HECW1: variants seen among roughly 807,000 people sequenced by gnomAD.
The protein encoded by HECW1 is HECT, C2 and WW domain containing E3 ubiquitin protein ligase 1.
Under a neutral mutation model 182.3 loss-of-function variants are expected in HECW1, and 61 were observed. The ratio of observed to expected loss-of-function variants is 0.33; its 90% CI spans 0.27 to 0.41. The LOEUF (loss-of-function observed/expected upper bound fraction) is 0.41, where lower values mean the gene tolerates loss of function less well. Ranked by LOEUF, HECW1 falls within the 10% of genes least tolerant of loss-of-function variation. The pLI, the probability that HECW1 is intolerant of heterozygous loss-of-function variation, is 1.00. For synonymous variants in HECW1, 859 were observed against 832.6 expected, an observed-to-expected ratio of 1.03 and a Z score of -0.55; for missense variants, 1,739 against 2,108.9, an observed-to-expected ratio of 0.82 and a Z score of 3.44.
chr7:43,446,665 T>A (rs1425908509), intron 11 of HECW1, among the ~76,000 whole-genome samples: 2 of 151,884 alleles, frequency 1.3e-5, no homozygotes, highest in East Asian at 1.9e-4. Context: ...TTAAAAAAAA[T>A]AATTTTAAGT....
rs554159337 is a variant in HECW1, at chr7:43,550,802, AAACTC to A, written c.4395+217_4395+221del. 1.5e-4 allele frequency among the ~76,000 whole-genome samples: 23 copies of A among 152,334 alleles called. No homozygotes were observed. The South Asian group carries it at 3.3e-3, about 22-fold the overall frequency. ...GGCTGAGGGGTCAGAGTTCTCTGGG[AAACTC>A]AACTCTTATGGGTGAAAAATGCTTT... On this transcript the variant is annotated intron_variant, in intron 27 of 29. Coordinates refer to ENST00000395891, the MANE Select transcript of HECW1 (RefSeq NM_015052.5).
At chr7:43,519,418 G>A (rs1383236535) in intron 24 of HECW1, among the ~76,000 whole-genome samples, 2 of 152,108 alleles carry the variant, frequency 1.3e-5, no homozygotes, top group Non-Finnish European at 2.9e-5. Context: ...GCTAATTTTT[G>A]TATTTTTAGT....
At chr7:43,470,023 T>C (rs1442036917) in intron 16 of HECW1, among the ~76,000 whole-genome samples, 3 of 152,062 alleles carry the variant, frequency 2.0e-5, no homozygotes, top group Non-Finnish European at 4.4e-5. Context: ...GGGGAAAGAA[T>C]GGGGGACTCA....
rs1205051944 is a variant in HECW1 at position 43,450,781 on chromosome 7, G to A, written c.2399-47G>A. ...ACAGTCATGCTTTTTTGATGATGTT[G>A]CCACGGCAGTGAATGAATCTGAATG... On this transcript the variant is annotated intron_variant, in intron 11 of 29. Coordinates refer to ENST00000395891, the MANE Select transcript of HECW1 (RefSeq NM_015052.5). 3 of 1,193,378 alleles carry A rather than the reference G, an allele frequency of 2.5e-6. No individual in the cohort carries two copies. The Admixed American group carries it at 5.1e-5, about 20-fold the overall frequency. The allele number at this position is 1,193,378 out of a possible 1,614,324, so 73.9% of individuals were successfully genotyped here.
chr7:43,301,989 A>C (rs559364126), intron 3 of HECW1, among the ~76,000 whole-genome samples: 2 of 152,330 alleles, frequency 1.3e-5, no homozygotes, highest in South Asian at 4.1e-4. Flanking sequence ...AAAAGAGAGC[A>C]TCTTTACAGC....
At chr7:43,150,582 C>G (rs1046415451) in intron 2 of HECW1, among the ~76,000 whole-genome samples, 1 of 152,124 alleles carries the variant, frequency 6.6e-6, no homozygotes, top group African/African-American at 2.4e-5. Context: ...TTTCACCATT[C>G]TGGCCAGGCT....
At chr7:43,353,811 G>T (rs1006867488) in intron 5 of HECW1, among the ~76,000 whole-genome samples, 1 of 152,128 alleles carries the variant, frequency 6.6e-6, no homozygotes, top group Non-Finnish European at 1.5e-5. Context: ...CCTGAAGAGA[G>T]AACTATCCCT....
chr7:43,545,823 G>A (rs2081536624), intron 26 of HECW1, among the ~76,000 whole-genome samples: 1 of 135,656 alleles, frequency 7.4e-6, no homozygotes. Context: ...GTCTCGGGGT[G>A]GAGGAGGTGG....
intron 2 of HECW1, among the ~76,000 whole-genome samples, chr7:43,197,998 A>G (rs1399080320): frequency 1.3e-5 from 2 of 151,728 alleles, no homozygotes; most frequent in African/African-American, 4.8e-5. Flanking sequence ...CCCCTAGGTC[A>G]TCTCGACCCT....
rs1430793816 is a variant in HECW1 at position 43,432,017 on chromosome 7, T to TG, written c.802-5981dup. ...TAATTTTTGTAGTTTTTAGTAGAGATGGGGGTTTCACCATCTTGGCCAGGC... is the reference window on the plus strand; with the variant it reads ...TAATTTTTGTAGTTTTTAGTAGAGATGGGGGGTTTCACCATCTTGGCCAGGC... On this transcript the variant is annotated intron_variant, in intron 8 of 29. Transcript: ENST00000395891. The surrounding 1 kb of genome is among the most constrained non-coding windows in gnomAD (Gnocchi z 4.1). 2.0e-5 allele frequency among the ~76,000 whole-genome samples: 3 copies of TG among 151,498 alleles called. No homozygotes were observed. The highest frequency in any genetic ancestry group is 4.9e-5 in the African/African-American group (2 of 41,186).
At position 43,386,737 on chromosome 7, in the gene HECW1, A is replaced by G. The variant is rs76968924; in HGVS notation, c.556-10077A>G. Among the ~76,000 whole-genome samples, 620 of 152,224 alleles carry G rather than the reference A, an allele frequency of 4.1e-3. 3 individuals are homozygous for G. Among genetic ancestry groups the G allele is most frequent in the African/African-American group, 0.014 (593 of 41,492 alleles). On this transcript the variant is annotated intron_variant, in intron 6 of 29. Coordinates refer to ENST00000395891, the MANE Select transcript of HECW1 (RefSeq NM_015052.5). The stretch of plus-strand genomic sequence containing the variant: ...CTCATCTCAGGTCCATGGACTCTCA[A>G]ATCAGCTCAGATGAGGGAGGAATGT...
At chr7:43,472,329 C>G (rs956532124) in intron 16 of HECW1, among the ~76,000 whole-genome samples, 1 of 152,216 alleles carries the variant, frequency 6.6e-6, no homozygotes, top group African/African-American at 2.4e-5. Context: ...TTCCCTGACC[C>G]CTAGGCCATG....
rs1299000474 is a variant in HECW1, at chr7:43,554,602, T to A, written c.4521T>A (p.Asp1507Glu). 1.2e-5 allele frequency: 19 copies of A among 1,612,666 alleles called. No homozygotes were observed. In the East Asian group the frequency reaches 1.6e-4, roughly 13 times the overall value. ...NNTEYRGGYH[D>E]GHLVIRWFWA... Reference sequence around the variant, plus strand: ...CTTTGCCTCGTGCAGGTTACCACGATGGGCATCTTGTGATCCGCTGGTTCT... The same window carrying A: ...CTTTGCCTCGTGCAGGTTACCACGAAGGGCATCTTGTGATCCGCTGGTTCT... The change falls in exon 29 of 30, where the codon GAT becomes GAA. Residue 1507 changes from aspartate (D) to glutamate (E), a missense_variant. This residue lies in a region of HECW1 where 420 missense variants were observed against 595.7 expected (regional missense o/e 0.71). Coordinates refer to ENST00000395891, the MANE Select transcript of HECW1 (RefSeq NM_015052.5).
At chr7:43,433,532 A>G (rs2076616249) in intron 8 of HECW1, among the ~76,000 whole-genome samples, 1 of 152,248 alleles carries the variant, frequency 6.6e-6, no homozygotes, top group Admixed American at 6.5e-5. Flanking sequence ...CGCTTAAACA[A>G]AAGAAAGTTT....
intron 3 of HECW1, among the ~76,000 whole-genome samples, chr7:43,293,219 C>CAAAAAA (rs34748611): frequency 5.2e-5 from 4 of 76,474 alleles, no homozygotes; most frequent in Non-Finnish European, 8.7e-5. Context: ...GACTATGTCT[C>CAAAAAA]AAAAAAAAAA....
intron 2 of HECW1, among the ~76,000 whole-genome samples, chr7:43,165,614 T>G (rs1791031814): frequency 6.6e-6 from 1 of 152,098 alleles, no homozygotes. Context: ...CTATGCAGAG[T>G]TTTTGGTTTC....
chr7:43,438,143 A>C lies in HECW1; in HGVS notation c.942A>C (p.Ile314=), dbSNP rs746579055. 1.2e-6 allele frequency: 2 copies of C among 1,612,648 alleles called. No homozygotes were observed. Among genetic ancestry groups the C allele is most frequent in the Non-Finnish European group, 1.7e-6 (2 of 1,178,930 alleles). ...AAAGACTCCTGGAGAGACACGCCAT[A>C]GGGTAAACCTGTGACTGAGATCTTA... The part of the protein sequence containing the change: ...PVQRLLERHA[I]GDRVVSYTLG... Residue 314 remains isoleucine, a splice_region_variant and synonymous_variant, in exon 9 of 30, where the codon ATA becomes ATC. Coordinates refer to ENST00000395891, the MANE Select transcript of HECW1 (RefSeq NM_015052.5).
At chr7:43,297,587 A>T (rs1806205355) in intron 3 of HECW1, among the ~76,000 whole-genome samples, 1 of 152,218 alleles carries the variant, frequency 6.6e-6, no homozygotes, top group Non-Finnish European at 1.5e-5. Context: ...GCAAGGATCC[A>T]TCATGCCTCC....
chr7:43,232,502 C>G, intron 2 of HECW1, among the ~76,000 whole-genome samples: 1 of 152,208 alleles, frequency 6.6e-6, no homozygotes, highest in East Asian at 1.9e-4. Flanking sequence ...TTATTTCTCA[C>G]TCACATCACA....
Sources: gnomAD v4.1 joint callset for allele counts (sites outside exome capture counted in the v4.1 genomes callset) on GRCh38, gnomAD v4.1.1 for gene constraint, gnomAD v4.1.1 regional missense constraint, Gnocchi (gnomAD v3.1) non-coding constraint, MANE v1.5 for transcripts, NCBI Gene and HGNC (gene_info 2026-07-23, HGNC 2026-07-21) for gene names.